ZZEF1: variants seen among roughly 807,000 people sequenced by gnomAD.
ZZEF1 encodes zinc finger ZZ-type and EF-hand domain-containing protein 1.
Under a neutral mutation model 342.8 loss-of-function variants are expected in ZZEF1, and 157 were observed. That is an observed-to-expected ratio of 0.46 (90% CI 0.40 to 0.52). The LOEUF (loss-of-function observed/expected upper bound fraction) is 0.52, where lower values mean the gene tolerates loss of function less well. ZZEF1 is among the 20% of genes least tolerant of loss of function. The pLI is 0.00. For synonymous variants in ZZEF1, 1,505 were observed against 1,429.1 expected (o/e 1.05, Z -1.20); for missense variants, 3,480 against 3,725.6 (o/e 0.93, Z 1.72).
Position 4,070,672 on chromosome 17 carries a change from T to C in ZZEF1, c.4075+12A>G, listed in dbSNP as rs1433035021. ...GCCTTCAGATCAAAAATATTCCCTG[T>C]AATAAAGTTACCATATTTTTGCAGC... On this transcript the variant is annotated intron_variant, in intron 26 of 54. Transcript: ENST00000381638. 6.2e-7 allele frequency: 1 copy of C among 1,612,768 alleles called. No individual in the cohort carries two copies. Among genetic ancestry groups the C allele is most frequent in the South Asian group, 1.1e-5 (1 of 90,816 alleles).
chr17:4,114,830 C>A (rs1047272772), intron 3 of ZZEF1, among the ~76,000 whole-genome samples: 1 of 152,084 alleles, frequency 6.6e-6, no homozygotes, highest in African/African-American at 2.4e-5. Context: ...TGGTAAATTA[C>A]GGTTTGAATT....
intron 30 of ZZEF1, among the ~76,000 whole-genome samples, chr17:4,061,035 T>C (rs962180409): frequency 2.6e-5 from 4 of 152,380 alleles, no homozygotes; most frequent in African/African-American, 7.2e-5. Context: ...CCCGTTTCTC[T>C]GCTCCCTTTG....
chr17:4,060,837 TA>T (rs1309754887), intron 30 of ZZEF1, among the ~76,000 whole-genome samples: 1 of 152,230 alleles, frequency 6.6e-6, no homozygotes, highest in Non-Finnish European at 1.5e-5. Context: ...TCCTCACTAC[TA>T]CAGATAAGAG....
In ZZEF1 at chr17:4,105,800, C is replaced by T; in HGVS notation, c.1287G>A (p.Leu429=). Residue 429 remains leucine, a synonymous_variant, in exon 7 of 55, where the codon CTG becomes CTA. Transcript: ENST00000381638. ...AGAGAGAGAGTGGAGGCATGTGCCGCAGCGCCTTCCTAGAAGAGGAAAATG... is the reference window on the plus strand; with the variant it reads ...AGAGAGAGAGTGGAGGCATGTGCCGTAGCGCCTTCCTAGAAGAGGAAAATG... ...QTVLHNTQKA[L]RHMPPLSLSP... 1 of 1,604,164 alleles carries T rather than the reference C, an allele frequency of 6.2e-7. No individual in the cohort carries two copies. Among genetic ancestry groups the T allele is most frequent in the Non-Finnish European group, 8.5e-7 (1 of 1,177,212 alleles).
intron 42 of ZZEF1, among the ~76,000 whole-genome samples, chr17:4,025,394 A>G (rs2145008917): frequency 6.6e-6 from 1 of 152,346 alleles, no homozygotes; most frequent in Non-Finnish European, 1.5e-5. Flanking sequence ...TCTTAAAGAT[A>G]GCATATATGA....
At chr17:4,011,421 G>A (rs1259725441) in intron 52 of ZZEF1, among the ~76,000 whole-genome samples, 4 of 151,770 alleles carry the variant, frequency 2.6e-5, no homozygotes, top group Non-Finnish European at 4.4e-5. Context: ...AAAAGGTAAC[G>A]ATGACTACCA....
At chr17:4,059,954 G>C (rs1411702336) in intron 30 of ZZEF1, among the ~76,000 whole-genome samples, 7 of 152,204 alleles carry the variant, frequency 4.6e-5, no homozygotes, top group Admixed American at 4.6e-4. Flanking sequence ...CAATACCAGT[G>C]GGCGTCAGCC....
chr17:4,055,034 T>G (rs1020192614), intron 33 of ZZEF1, among the ~76,000 whole-genome samples: 10 of 152,310 alleles, frequency 6.6e-5, no homozygotes, highest in African/African-American at 1.7e-4. Context: ...CAGGAAACAC[T>G]GCAAAAGGAG....
intron 39 of ZZEF1, among the ~76,000 whole-genome samples, chr17:4,038,530 C>A (rs1402223769): frequency 6.6e-6 from 1 of 152,168 alleles, no homozygotes; most frequent in Non-Finnish European, 1.5e-5. Flanking sequence ...ACAGGCCGGG[C>A]GCAGCGGCTC....
intron 40 of ZZEF1, 109 bp from the exon 41 acceptor site, chr17:4,033,111 T>A: frequency 9.4e-7 from 1 of 1,064,458 alleles, no homozygotes; most frequent in Non-Finnish European, 1.3e-6. Context: ...AGCCATTCAT[T>A]AACTAGCTTA....
intron 18 of ZZEF1, among the ~76,000 whole-genome samples, chr17:4,079,965 G>A (rs1308946888): frequency 6.6e-6 from 1 of 152,182 alleles, no homozygotes; most frequent in Non-Finnish European, 1.5e-5. Context: ...GTTTGGACTA[G>A]TCTACCACAA....
At chr17:4,124,595 A>G (rs1341323867) in intron 1 of ZZEF1, among the ~76,000 whole-genome samples, 1 of 146,338 alleles carries the variant, frequency 6.8e-6, no homozygotes, top group Non-Finnish European at 1.5e-5. Context: ...GGCGCCTGCC[A>G]CAACGCCAAG....
At chr17:4,095,311 A>G (rs912191532) in intron 11 of ZZEF1, among the ~76,000 whole-genome samples, 10 of 152,224 alleles carry the variant, frequency 6.6e-5, no homozygotes, top group African/African-American at 2.2e-4. Flanking sequence ...GTGTCCCCAC[A>G]GCGCCCTTTC....
intron 53 of ZZEF1, 97 bp from the exon 54 acceptor site, chr17:4,009,051 T>G (rs2055875697): frequency 1.4e-6 from 2 of 1,413,778 alleles, no homozygotes; most frequent in Non-Finnish European, 1.9e-6. Context: ...AGCAGAAGCC[T>G]CTCATGGGCG....
chr17:4,066,563 T>C lies in ZZEF1; in HGVS notation c.4156-23A>G, dbSNP rs1454051340. 3.1e-6 allele frequency: 5 copies of C among 1,609,618 alleles called. No individual in the cohort carries two copies. In the South Asian group the frequency reaches 5.5e-5, roughly 18 times the overall value. ...TAACTAGGGGAGAATTTGAGCCACATCATTATGCTGTCCAGGCAGGGAAGC... is the reference window on the plus strand; with the variant it reads ...TAACTAGGGGAGAATTTGAGCCACACCATTATGCTGTCCAGGCAGGGAAGC... On this transcript the variant is annotated intron_variant, in intron 27 of 54. Transcript: ENST00000381638.
chr17:4,009,694 G>T lies in ZZEF1; in HGVS notation c.8643C>A (p.Gly2881=). 6.2e-7 allele frequency: 1 copy of T among 1,614,088 alleles called. No individual in the cohort carries two copies. The highest frequency in any genetic ancestry group is 1.3e-5 in the African/African-American group (1 of 75,028). ...CGGGCTGCGTCACGTCCTCAAACAG[G>T]CCGTACTCCATGTGGGTAAAGAGCT... is the stretch of plus-strand genomic sequence containing the variant. ...LWQLFTHMEY[G]LFEDVTQPGI... is the part of the protein sequence containing the mutation. The change falls in exon 53 of 55, where the codon GGC becomes GGA. Residue 2881 remains glycine (G), a synonymous_variant. Coordinates refer to ENST00000381638, the MANE Select transcript of ZZEF1 (RefSeq NM_015113.4).
At position 4,049,708 on chromosome 17, in the gene ZZEF1, A is replaced by C; in HGVS notation, c.6015T>G (p.Asn2005Lys). ...VQGAELSEAG[N>K]GKRAVHEEIR... ...TGTGTAGTAAAGAATCGTCATTTACATTGCCTGCTTCTGACAGCTCAGCAC... is the reference window on the plus strand; with the variant it reads ...TGTGTAGTAAAGAATCGTCATTTACCTTGCCTGCTTCTGACAGCTCAGCAC... Residue 2005 changes from asparagine (N) to lysine (K), a missense_variant and splice_region_variant, in exon 37 of 55, where the codon AAT (asparagine) becomes AAG (lysine). Asn to Lys is a moderately conservative substitution (Grantham distance 94, BLOSUM62 0). Coordinates refer to ENST00000381638, the MANE Select transcript of ZZEF1 (RefSeq NM_015113.4). 1 of 1,613,902 alleles carries C rather than the reference A, an allele frequency of 6.2e-7. No individual in the cohort carries two copies. The highest frequency in any genetic ancestry group is 1.7e-4 in the Middle Eastern group (1 of 6,058).
intron 2 of ZZEF1, among the ~76,000 whole-genome samples, chr17:4,119,538 G>A (rs2168017): frequency 0.92 from 139,421 of 152,230 alleles, 65,130 homozygotes; most frequent in East Asian, 1. Context: ...ACTGCGTCCC[G>A]TTCTTTCCCA....
intron 1 of ZZEF1, among the ~76,000 whole-genome samples, chr17:4,136,316 CCT>C (rs2058748046): frequency 7.0e-6 from 1 of 143,608 alleles, no homozygotes; most frequent in Admixed American, 7.0e-5. Flanking sequence ...TGCATTCCAG[CCT>C]GGGCGACAGA....
Sources: gnomAD v4.1 joint callset for allele counts (sites outside exome capture counted in the v4.1 genomes callset) on GRCh38, gnomAD v4.1.1 for gene constraint, MANE v1.5 for transcripts, NCBI Gene and HGNC (gene_info 2026-07-23, HGNC 2026-07-21) for gene names.